RXFP2: variants seen among roughly 807,000 people sequenced by gnomAD.
The protein encoded by RXFP2 is relaxin receptor 2.
RXFP2 carries 68 observed loss-of-function variants against 88.6 expected under a neutral mutation model. The ratio of observed to expected loss-of-function variants is 0.77; its 90% CI spans 0.63 to 0.94. RXFP2 has a LOEUF of 0.94. Among genes scored for constraint, RXFP2 ranks in the 40% least tolerant of loss-of-function variants. The pLI is 0.00. For synonymous variants in RXFP2, 329 were observed against 306.8 expected, an observed-to-expected ratio of 1.07 and a Z score of -0.76; for missense variants, 791 against 893.9, an observed-to-expected ratio of 0.88 and a Z score of 1.47.
chr13:31,775,332 A>G lies in RXFP2; in HGVS notation c.584A>G (p.Asn195Ser). 1 of 1,613,654 alleles carries G rather than the reference A, an allele frequency of 6.2e-7. No individual in the cohort carries two copies. The highest frequency in any genetic ancestry group is 8.5e-7 in the Non-Finnish European group (1 of 1,179,610). ...CNLQILYLNH[N>S]CITTLRPGIF... ...GCTATTTGTAGATATCTCAACCACA[A>G]CTGCATCACAACCCTCAGACCTGGA... Residue 195 changes from asparagine to serine, a missense_variant, in exon 7 of 18, where the codon AAC (asparagine) becomes AGC (serine). Asn to Ser is a conservative substitution (Grantham distance 46). Transcript: ENST00000298386.
chr13:31,801,116 C>G (rs1387671318), intron 17 of RXFP2, among the ~76,000 whole-genome samples: 1 of 151,880 alleles, frequency 6.6e-6, no homozygotes, highest in Non-Finnish European at 1.5e-5. Context: ...AAGAGAAGAA[C>G]AAAATAACAG....
intron 17 of RXFP2, among the ~76,000 whole-genome samples, chr13:31,799,994 T>C (rs188605520): frequency 2.1e-4 from 32 of 152,342 alleles, no homozygotes; most frequent in Admixed American, 1.8e-3. Context: ...AACATTGTCT[T>C]GTGGAAACAT....
Position 31,786,436 on chromosome 13 carries a change from T to C in RXFP2, c.983T>C (p.Leu328Ser), listed in dbSNP as rs1346225252. The C allele has an allele frequency of 1.2e-6, 2 of 1,607,446 alleles. No homozygotes were observed. The highest frequency in any genetic ancestry group is 1.1e-5 in the South Asian group (1 of 90,962). Residue 328 changes from leucine to serine, a missense_variant, in exon 12 of 18, where the codon TTG (leucine) becomes TCG (serine). Physicochemically the swap from Leu to Ser is moderately radical, Grantham distance 145. Transcript: ENST00000298386. ...CTATCACCTCACCTTTTTAAAGACT[T>C]GAAGCTTCTACAAAAGCTGTAAGTT... The part of the protein sequence containing the change: ...TELSPHLFKD[L>S]KLLQKLNLSS...
intron 13 of RXFP2, among the ~76,000 whole-genome samples, chr13:31,787,487 T>G (rs548131179): frequency 4.3e-4 from 65 of 152,364 alleles, no homozygotes; most frequent in African/African-American, 1.3e-3. Context: ...GTGGACAGCA[T>G]GATTCTTCTC....
intron 5 of RXFP2, among the ~76,000 whole-genome samples, 155 bp downstream of exon 5, chr13:31,766,182 T>C (rs982804075): frequency 6.6e-5 from 10 of 152,234 alleles, no homozygotes; most frequent in Non-Finnish European, 1.0e-4. Flanking sequence ...TTTGAAAGTA[T>C]GTTATCTTTC....
intron 1 of RXFP2, among the ~76,000 whole-genome samples, chr13:31,756,648 G>A (rs537216434): frequency 1.6e-4 from 23 of 142,046 alleles, no homozygotes; most frequent in African/African-American, 5.8e-4. Flanking sequence ...TTGAGACTGA[G>A]TCAAGCTCTG....
Position 31,792,016 on chromosome 13 carries a change from G to A in RXFP2, c.1356G>A (p.Met452Ile). Residue 452 changes from methionine (M) to isoleucine (I), a missense_variant, in exon 15 of 18, where the codon ATG (methionine) becomes ATA (isoleucine). Coordinates refer to ENST00000298386, the MANE Select transcript of RXFP2 (RefSeq NM_130806.5). ...AAGCTGAAAATACAACTCACGCTAT[G>A]TCCATCAAAATCCTTTGTTGTAAGT... ...FIKAENTTHA[M>I]SIKILCCADC... is the part of the protein sequence containing the mutation. 6.2e-7 allele frequency: 1 copy of A among 1,612,630 alleles called. No individual in the cohort carries two copies. The highest frequency in any genetic ancestry group is 8.5e-7 in the Non-Finnish European group (1 of 1,178,656).
At chr13:31,762,668 ATAC>A (rs1382125229) in intron 3 of RXFP2, among the ~76,000 whole-genome samples, 3 of 152,192 alleles carry the variant, frequency 2.0e-5, no homozygotes, top group Non-Finnish European at 2.9e-5. Context: ...TATATATCAA[ATAC>A]TACACTGATA....
chr13:31,743,964 A>T lies in RXFP2; in HGVS notation c.94+4258A>T, dbSNP rs7331833. On this transcript the variant is annotated intron_variant, in intron 1 of 17. Transcript: ENST00000298386. ...TCCACCTTGGAATACATCTATCCCT[A>T]GATTCGCCCCCTTAAGTATTCCTGT... 3.9e-5 allele frequency among the ~76,000 whole-genome samples: 6 copies of T among 151,942 alleles called. No homozygotes were observed. The South Asian group carries it at 1.0e-3, about 26-fold the overall frequency.
chr13:31,766,922 G>A (rs188619947), intron 5 of RXFP2, among the ~76,000 whole-genome samples: 80 of 152,204 alleles, frequency 5.3e-4, no homozygotes, highest in Middle Eastern at 6.8e-3. Flanking sequence ...GGCACTGGAG[G>A]GGCTACACCT....
At chr13:31,785,593 A>G (rs991923658) in intron 11 of RXFP2, among the ~76,000 whole-genome samples, 3 of 151,672 alleles carry the variant, frequency 2.0e-5, no homozygotes, top group Non-Finnish European at 4.4e-5. Context: ...GCTTCTTTAC[A>G]AAAAGAGCTA....
chr13:31,801,210 C>T (rs1220676745), intron 17 of RXFP2, among the ~76,000 whole-genome samples: 1 of 152,002 alleles, frequency 6.6e-6, no homozygotes, highest in Non-Finnish European at 1.5e-5. Flanking sequence ...TCTTACTAGC[C>T]ACCTCTTCAC....
Position 31,777,455 on chromosome 13 carries a change from T to C in RXFP2, c.713+8T>C, listed in dbSNP as rs1158460988. 21 of 1,580,830 alleles carry C rather than the reference T, an allele frequency of 1.3e-5. No individual in the cohort carries two copies. The highest frequency in any genetic ancestry group is 1.8e-5 in the Non-Finnish European group (21 of 1,151,226). On this transcript the variant is annotated splice_region_variant and intron_variant, in intron 8 of 17. Transcript: ENST00000298386. ...AAATTCCTTGTTTTTCCTGTAAGTA[T>C]TCATCAACCTTTCAATACATCTATC...
chr13:31,786,009 T>C (rs891435196), intron 11 of RXFP2, among the ~76,000 whole-genome samples: 3 of 152,204 alleles, frequency 2.0e-5, no homozygotes, highest in Non-Finnish European at 2.9e-5. Flanking sequence ...AAAAGTGTAG[T>C]TGGATAAACA....
intron 11 of RXFP2, 77 bp downstream of exon 11, chr13:31,782,824 T>C (rs1873350597): frequency 1.1e-6 from 1 of 893,458 alleles, no homozygotes; most frequent in East Asian, 2.5e-5. Context: ...TGAGACTGCT[T>C]TGCCACTAGT....
At chr13:31,779,575 C>T (rs1473597849) in intron 9 of RXFP2, among the ~76,000 whole-genome samples, 1 of 152,128 alleles carries the variant, frequency 6.6e-6, no homozygotes, top group African/African-American at 2.4e-5. Context: ...ATTTAATTTA[C>T]GTCGTACCTT....
intron 5 of RXFP2, among the ~76,000 whole-genome samples, chr13:31,774,092 G>A (rs1160713834): frequency 6.6e-5 from 10 of 152,330 alleles, no homozygotes; most frequent in African/African-American, 2.4e-4. Flanking sequence ...ACTTGCCCTG[G>A]TTCAACTGCT....
At chr13:31,746,988 C>T (rs191008254) in intron 1 of RXFP2, among the ~76,000 whole-genome samples, 2 of 152,280 alleles carry the variant, frequency 1.3e-5, no homozygotes, top group East Asian at 3.9e-4. Context: ...CTGAGTGTTA[C>T]AGGAAAACTC....
intron 1 of RXFP2, among the ~76,000 whole-genome samples, chr13:31,740,618 C>T (rs1189672380): frequency 6.6e-6 from 1 of 151,696 alleles, no homozygotes; most frequent in Non-Finnish European, 1.5e-5. Flanking sequence ...AAATAAAATG[C>T]AATACTTATG....
Sources: gnomAD v4.1 joint callset for allele counts (sites outside exome capture counted in the v4.1 genomes callset) on GRCh38, gnomAD v4.1.1 for gene constraint, MANE v1.5 for transcripts, NCBI Gene and HGNC (gene_info 2026-07-23, HGNC 2026-07-21) for gene names.